Variants in CPNE4 observed in about 807,000 individuals in gnomAD.
CPNE4 encodes copine-4.
A neutral mutation model predicts 67.9 loss-of-function variants in CPNE4; 25 were observed. The ratio of observed to expected loss-of-function variants is 0.37; its 90% confidence interval spans 0.27 to 0.51. CPNE4 has a LOEUF of 0.51. Ranked by LOEUF, CPNE4 falls within the 20% of genes least tolerant of loss-of-function variation. The pLI is 0.93. For missense variants in CPNE4, 464 were observed against 690.8 expected (o/e 0.67, Z 3.68); for synonymous variants, 242 against 244.9 (o/e 0.99, Z 0.11).
At chr3:131,725,341 T>C (rs1308232359) in intron 2 of CPNE4, among the ~76,000 whole-genome samples, 2 of 152,214 alleles carry the variant, frequency 1.3e-5, no homozygotes, top group Non-Finnish European at 2.9e-5. Context: ...ATTGGTTGGA[T>C]GGACAATCCG....
intron 1 of CPNE4, among the ~76,000 whole-genome samples, chr3:131,918,671 T>A (rs1219170728): frequency 4.6e-5 from 7 of 152,186 alleles, no homozygotes; most frequent in African/African-American, 1.7e-4. Flanking sequence ...GAGGTGCTAA[T>A]AGATAATCTT....
chr3:131,819,137 A>G (rs1468450146), intron 2 of CPNE4, among the ~76,000 whole-genome samples: 3 of 152,186 alleles, frequency 2.0e-5, no homozygotes, highest in Non-Finnish European at 4.4e-5. Flanking sequence ...CTTCAGACTC[A>G]GGAGGGTATG....
At chr3:131,621,119 A>C (rs1282801362) in intron 7 of CPNE4, among the ~76,000 whole-genome samples, 2 of 152,224 alleles carry the variant, frequency 1.3e-5, no homozygotes, top group African/African-American at 4.8e-5. Context: ...ACCTTGACTT[A>C]GCACGCATTT....
chr3:131,670,789 T>C (rs2080390991), intron 6 of CPNE4, among the ~76,000 whole-genome samples: 1 of 147,348 alleles, frequency 6.8e-6, no homozygotes, highest in African/African-American at 2.5e-5. Flanking sequence ...AGGAAGTCTT[T>C]AGTTAGTGGA....
At chr3:131,615,087 G>C (rs1940059697) in intron 7 of CPNE4, among the ~76,000 whole-genome samples, 1 of 152,112 alleles carries the variant, frequency 6.6e-6, no homozygotes, top group Admixed American at 6.6e-5. Flanking sequence ...GTAAGTTTGG[G>C]GTAAGGCCTG....
At chr3:131,644,126 G>A (rs1223570770) in intron 7 of CPNE4, among the ~76,000 whole-genome samples, 1 of 151,930 alleles carries the variant, frequency 6.6e-6, no homozygotes, top group African/African-American at 2.4e-5. Context: ...GTAGGTCTTA[G>A]GTGGAGCTTG....
chr3:131,741,097 T>C (rs1215741540), intron 2 of CPNE4, among the ~76,000 whole-genome samples: 1 of 152,212 alleles, frequency 6.6e-6, no homozygotes, highest in African/African-American at 2.4e-5. Flanking sequence ...CCTATTTCCA[T>C]TTGCTGCTTT....
intron 1 of CPNE4, chr3:132,017,391 A>T (rs568224839): frequency 8.9e-4 from 135 of 152,314 alleles, no homozygotes; most frequent in African/African-American, 3.0e-3. Flanking sequence ...GGAAGAAAGG[A>T]TGAAAAGAAG....
chr3:131,631,415 A>C (rs2079218240), intron 7 of CPNE4, among the ~76,000 whole-genome samples: 1 of 152,238 alleles, frequency 6.6e-6, no homozygotes. Context: ...GTAGGCCTAG[A>C]AAATGGAGCT....
chr3:131,598,844 C>A (rs1939042226), intron 7 of CPNE4, among the ~76,000 whole-genome samples: 1 of 115,032 alleles, frequency 8.7e-6, no homozygotes, highest in Admixed American at 8.2e-5. Context: ...TAAAATTGTC[C>A]CCCCACCCCC....
At chr3:131,716,607 G>A (rs116745452) in intron 3 of CPNE4, among the ~76,000 whole-genome samples, 22 of 152,228 alleles carry the variant, frequency 1.4e-4, no homozygotes, top group Non-Finnish European at 2.6e-4. Flanking sequence ...AAACATGTTG[G>A]TCTCTACAAG....
intron 2 of CPNE4, among the ~76,000 whole-genome samples, chr3:131,840,472 A>G (rs1487837873): frequency 6.6e-6 from 1 of 152,204 alleles, no homozygotes; most frequent in African/African-American, 2.4e-5. Flanking sequence ...AGTGTGTGGT[A>G]TATCTAGCTA....
chr3:131,765,049 C>T (rs1439645483), intron 2 of CPNE4, among the ~76,000 whole-genome samples: 2 of 152,094 alleles, frequency 1.3e-5, no homozygotes, highest in African/African-American at 2.4e-5. Context: ...GTATTATCTT[C>T]CCTTCAAGGA....
At chr3:131,829,526 C>A (rs927105721) in intron 2 of CPNE4, among the ~76,000 whole-genome samples, 1 of 152,154 alleles carries the variant, frequency 6.6e-6, no homozygotes, top group African/African-American at 2.4e-5. Flanking sequence ...TTAGTAAATA[C>A]TTGTCAAATA....
At chr3:131,894,195 C>T (rs769764981) in intron 2 of CPNE4, among the ~76,000 whole-genome samples, 1 of 151,696 alleles carries the variant, frequency 6.6e-6, no homozygotes, top group Non-Finnish European at 1.5e-5. Context: ...AGACCAATAA[C>T]AAGTGAAAAA....
At chr3:131,611,362 T>C (rs549951469) in intron 7 of CPNE4, among the ~76,000 whole-genome samples, 6 of 152,342 alleles carry the variant, frequency 3.9e-5, no homozygotes, top group African/African-American at 1.4e-4. Flanking sequence ...ATTAACTTCA[T>C]GACTGATTGA....
chr3:131,766,063 G>A (rs2083004207), intron 2 of CPNE4, among the ~76,000 whole-genome samples: 1 of 152,100 alleles, frequency 6.6e-6, no homozygotes, highest in South Asian at 2.1e-4. Flanking sequence ...TTGGTGCTCA[G>A]AGCTAGAGTC....
In CPNE4 at chr3:131,663,359, C is replaced by T. The variant is rs202140110; in HGVS notation, c.681+6316G>A. Among the ~76,000 whole-genome samples the T allele has an allele frequency of 1.9e-4, 29 of 152,042 alleles. No individual in the cohort carries two copies. In the East Asian group the frequency reaches 5.2e-3, roughly 27 times the overall value. On this transcript the variant is annotated intron_variant, in intron 7 of 15. Transcript: ENST00000429747. The stretch of plus-strand genomic sequence containing the variant: ...AGAGCATCAGGACAAATACCTAATG[C>T]ATGTGGGACTGAAAACCCAGATGAT...
intron 2 of CPNE4, among the ~76,000 whole-genome samples, chr3:131,874,330 C>A (rs1434073998): frequency 6.6e-6 from 1 of 152,144 alleles, no homozygotes; most frequent in East Asian, 1.9e-4. Flanking sequence ...CCTTATGATT[C>A]GCCCGCCTCG....
Sources: gnomAD v4.1 joint callset for allele counts (sites outside exome capture counted in the v4.1 genomes callset) on GRCh38, gnomAD v4.1.1 for gene constraint, MANE v1.5 for transcripts, NCBI Gene and HGNC (gene_info 2026-07-23, HGNC 2026-07-21) for gene names.